SMG6: variants seen among roughly 807,000 people sequenced by gnomAD.
SMG6 encodes the protein telomerase-binding protein EST1A.
In SMG6, 66 loss-of-function variants were observed where a neutral mutation model predicts 142.2. The ratio of observed to expected loss-of-function variants is 0.46; its 90% CI spans 0.38 to 0.57. The LOEUF is 0.57. Among genes scored for constraint, SMG6 ranks in the 20% least tolerant of loss-of-function variants. The pLI is 0.00. For synonymous variants in SMG6, 779 were observed against 702.4 expected (o/e 1.11, Z -1.72); for missense variants, 1,793 against 1,832.0 (o/e 0.98, Z 0.39).
chr17:2,134,882 AT>A (rs1393865993), intron 13 of SMG6, among the ~76,000 whole-genome samples: 4 of 78,160 alleles, frequency 5.1e-5, no homozygotes, highest in African/African-American at 2.2e-4. Context: ...TTTTATTTTA[AT>A]TTATTTTTTT....
At chr17:2,090,331 G>A (rs1437320624) in intron 13 of SMG6, among the ~76,000 whole-genome samples, 1 of 152,078 alleles carries the variant, frequency 6.6e-6, no homozygotes, top group Admixed American at 6.6e-5. Context: ...CGAGCTATAT[G>A]CTGCTTTATG....
intron 6 of SMG6, among the ~76,000 whole-genome samples, chr17:2,286,061 T>G (rs1431380833): frequency 6.6e-6 from 1 of 152,034 alleles, no homozygotes; most frequent in Non-Finnish European, 1.5e-5. Context: ...AATGACATAC[T>G]TAGGAATACA....
intron 10 of SMG6, chr17:2,232,686 A>T (rs7212249): frequency 0.37 from 56,970 of 151,994 alleles, 10,966 homozygotes; most frequent in Middle Eastern, 0.44. Flanking sequence ...ATAGGGCCCA[A>T]CCGAGAGGAG....
At chr17:2,285,152 A>AT (rs903009317) in intron 6 of SMG6, among the ~76,000 whole-genome samples, 22 of 149,496 alleles carry the variant, frequency 1.5e-4, no homozygotes, top group South Asian at 4.2e-4. Context: ...TTCTCAACAC[A>AT]TTTTTTTTTT....
chr17:2,067,272 C>T (rs1232120053), intron 16 of SMG6, among the ~76,000 whole-genome samples: 1 of 152,208 alleles, frequency 6.6e-6, no homozygotes, highest in Non-Finnish European at 1.5e-5. Context: ...TACAGCCTGC[C>T]TTTCACCGGA....
At chr17:2,126,957 CACAT>C (rs1328303218) in intron 13 of SMG6, among the ~76,000 whole-genome samples, 6 of 151,954 alleles carry the variant, frequency 3.9e-5, no homozygotes, top group East Asian at 3.9e-4. Flanking sequence ...TGCACACACA[CACAT>C]ATACGCGTGA....
chr17:2,075,802 G>A (rs911193955), intron 15 of SMG6, among the ~76,000 whole-genome samples: 4 of 152,238 alleles, frequency 2.6e-5, no homozygotes, highest in African/African-American at 9.6e-5. Flanking sequence ...GGGCTGAGCC[G>A]GAGAGTGTGG....
At chr17:2,088,389 C>T in intron 13 of SMG6, 3 of 985,362 alleles carry the variant, frequency 3.0e-6, no homozygotes, top group Non-Finnish European at 3.6e-6. Context: ...TGGGAATTGC[C>T]TATTCCATGG....
At position 2,197,273 on chromosome 17, in the gene SMG6, T is replaced by G. The variant is rs112362985; in HGVS notation, c.2870-8758A>C. 2.6e-3 allele frequency among the ~76,000 whole-genome samples: 394 copies of G among 152,248 alleles called. 2 individuals carry two copies. Among genetic ancestry groups the G allele is most frequent in the African/African-American group, 9.0e-3 (375 of 41,548 alleles). ...AGTAACCAGATTACATATAAAACTC[T>G]TAAAACCTGGCCAGGCGCGGTGGCT... is the stretch of plus-strand genomic sequence containing the variant. On this transcript the variant is annotated intron_variant, in intron 10 of 18. Transcript: ENST00000263073.
intron 12 of SMG6, among the ~76,000 whole-genome samples, chr17:2,181,026 G>A (rs926301955): frequency 1.3e-5 from 2 of 152,150 alleles, no homozygotes; most frequent in African/African-American, 4.8e-5. Flanking sequence ...GACTTTACAA[G>A]CGTCAGGGGG....
At chr17:2,149,144 G>A (rs948131477) in intron 13 of SMG6, among the ~76,000 whole-genome samples, 7 of 152,022 alleles carry the variant, frequency 4.6e-5, no homozygotes, top group African/African-American at 1.4e-4. Context: ...GAGGTCAGGA[G>A]TTCGAGACCA....
chr17:2,105,826 A>C (rs773075930), intron 13 of SMG6, among the ~76,000 whole-genome samples: 24 of 152,238 alleles, frequency 1.6e-4, no homozygotes, highest in Non-Finnish European at 1.0e-4. Context: ...GAATATAGGA[A>C]ACTAGTAACT....
intron 8 of SMG6, among the ~76,000 whole-genome samples, chr17:2,279,782 A>G (rs1597774722): frequency 6.6e-6 from 1 of 151,940 alleles, no homozygotes; most frequent in Non-Finnish European, 1.5e-5. Flanking sequence ...CACACTCTAG[A>G]CTCCAGCCAT....
chr17:2,162,493 G>A (rs1441768790), intron 13 of SMG6, among the ~76,000 whole-genome samples: 4 of 139,028 alleles, frequency 2.9e-5, no homozygotes, highest in Admixed American at 1.5e-4. Flanking sequence ...CAGCCTGGGC[G>A]ACAGAGTGAG....
intron 14 of SMG6, among the ~76,000 whole-genome samples, chr17:2,083,323 G>A (rs141168681): frequency 2.0e-5 from 3 of 152,210 alleles, no homozygotes; most frequent in Non-Finnish European, 2.9e-5. Context: ...GGTAGATGAC[G>A]GGGGTATACT....
At chr17:2,294,840 TA>T (rs1210785394) in intron 4 of SMG6, among the ~76,000 whole-genome samples, 1 of 151,616 alleles carries the variant, frequency 6.6e-6, no homozygotes. Context: ...TGCCTCTGCC[TA>T]AAATACCACC....
intron 16 of SMG6, among the ~76,000 whole-genome samples, chr17:2,066,648 G>A (rs1400185372): frequency 3.2e-5 from 1 of 31,204 alleles, no homozygotes; most frequent in African/African-American, 1.1e-4. Context: ...GGCCCATGTG[G>A]GAATACACAC....
intron 13 of SMG6, among the ~76,000 whole-genome samples, chr17:2,107,421 G>A (rs1313444674): frequency 6.6e-6 from 1 of 152,208 alleles, no homozygotes; most frequent in East Asian, 1.9e-4. Context: ...AGTATGCAGT[G>A]TATCTGGCTC....
At chr17:2,154,611 C>G (rs1189282244) in intron 13 of SMG6, among the ~76,000 whole-genome samples, 1 of 152,106 alleles carries the variant, frequency 6.6e-6, no homozygotes, top group East Asian at 1.9e-4. Flanking sequence ...TCCAAAAGAG[C>G]AAAGTGTATA....
Sources: allele counts gnomAD v4.1 joint callset (sites outside exome capture counted in the v4.1 genomes callset), GRCh38; gene constraint gnomAD v4.1.1; transcripts MANE v1.5; gene names NCBI Gene and HGNC (gene_info 2026-07-23, HGNC 2026-07-21).